The following CREB5 variants were observed in gnomAD, a reference collection of about 807,000 sequenced individuals.
CREB5 encodes the protein cAMP responsive element binding protein 5.
Under a neutral mutation model 57.1 loss-of-function variants are expected in CREB5, and 19 were observed. That is an observed-to-expected ratio of 0.33 (90% CI 0.23 to 0.49). The LOEUF (loss-of-function observed/expected upper bound fraction) is 0.49. CREB5 is among the 20% of genes least tolerant of loss of function. CREB5 has a pLI of 0.99. For synonymous variants in CREB5, 238 were observed against 238.3 expected (o/e 1.00, Z 0.01); for missense variants, 579 against 671.6 (o/e 0.86, Z 1.52).
chr7:28,661,241 C>T (rs2128713470), intron 5 of CREB5, among the ~76,000 whole-genome samples: 1 of 152,288 alleles, frequency 6.6e-6, no homozygotes, highest in East Asian at 1.9e-4. Flanking sequence ...CCTTAAGCCC[C>T]ATTCCTAGTT....
At chr7:28,430,891 C>T (rs1788683162) in intron 1 of CREB5, among the ~76,000 whole-genome samples, 1 of 152,182 alleles carries the variant, frequency 6.6e-6, no homozygotes, top group East Asian at 1.9e-4. Flanking sequence ...GGGCTGTAGT[C>T]ACCTCAAACC....
chr7:28,664,509 A>AT (rs1010405920), intron 5 of CREB5, among the ~76,000 whole-genome samples: 1 of 151,422 alleles, frequency 6.6e-6, no homozygotes, highest in African/African-American at 2.4e-5. Flanking sequence ...GAAATTTCCC[A>AT]TTTTATTCTT....
chr7:28,387,013 T>C (rs898813570), intron 1 of CREB5, among the ~76,000 whole-genome samples: 2 of 152,230 alleles, frequency 1.3e-5, no homozygotes, highest in Non-Finnish European at 2.9e-5. Flanking sequence ...GTCTTTACTA[T>C]TGTGAATAGT....
At chr7:28,690,035 G>T (rs1219221982) in intron 5 of CREB5, among the ~76,000 whole-genome samples, 2 of 151,522 alleles carry the variant, frequency 1.3e-5, no homozygotes, top group Non-Finnish European at 1.5e-5. Context: ...TCTAGGTCTA[G>T]CTCACCATCA....
At chr7:28,370,400 G>A (rs781683207) in intron 1 of CREB5, among the ~76,000 whole-genome samples, 5 of 152,184 alleles carry the variant, frequency 3.3e-5, no homozygotes, top group Non-Finnish European at 7.3e-5. Context: ...ATGTGAAAGA[G>A]CTTGGTAATT....
Position 28,527,112 on chromosome 7 carries a change from C to T in CREB5, c.291+19375C>T, listed in dbSNP as rs532436035. ...ATGACATACACCCTTTAGTGAAAAC[C>T]TGGTTAGTTGCAGTGAGCCATGCCT... On this transcript the variant is annotated intron_variant, in intron 4 of 10. Transcript: ENST00000357727. Among the ~76,000 whole-genome samples, 12 of 152,268 alleles carry T rather than the reference C, an allele frequency of 7.9e-5. No homozygotes were observed. The South Asian group carries it at 2.5e-3, about 32-fold the overall frequency.
Position 28,735,683 on chromosome 7 carries a change from C to T in CREB5, c.702+11351C>T, listed in dbSNP as rs543165502. Among the ~76,000 whole-genome samples, 20 of 152,214 alleles carry T rather than the reference C, an allele frequency of 1.3e-4. 1 individual carries two copies. In the South Asian group the frequency reaches 4.2e-3, roughly 32 times the overall value. On this transcript the variant is annotated intron_variant, in intron 7 of 10. Coordinates refer to ENST00000357727, the MANE Select transcript of CREB5 (RefSeq NM_182898.4). ...TCCCTGAGGGGGAGGGATCTGAACA[C>T]CTGGCATATAGTTGCTAGAAAATAT...
intron 1 of CREB5, among the ~76,000 whole-genome samples, chr7:28,396,946 C>T (rs1787347982): frequency 6.6e-6 from 1 of 152,132 alleles, no homozygotes; most frequent in Non-Finnish European, 1.5e-5. Flanking sequence ...AAGAAACAAA[C>T]CTGAGTCTCT....
At chr7:28,534,760 T>C (rs1293536266) in intron 4 of CREB5, among the ~76,000 whole-genome samples, 3 of 141,902 alleles carry the variant, frequency 2.1e-5, no homozygotes, top group Admixed American at 7.0e-5. Flanking sequence ...TTATAGAAAT[T>C]AATTTTTGTA....
chr7:28,432,704 T>TG (rs1469009970), intron 1 of CREB5, among the ~76,000 whole-genome samples: 2 of 152,200 alleles, frequency 1.3e-5, no homozygotes, highest in African/African-American at 4.8e-5. Flanking sequence ...ACAAAAATCG[T>TG]GAAAAAATGA....
intron 4 of CREB5, among the ~76,000 whole-genome samples, chr7:28,541,557 C>G (rs945045437): frequency 6.6e-6 from 1 of 152,124 alleles, no homozygotes; most frequent in Non-Finnish European, 1.5e-5. Context: ...ATCCCAGCTA[C>G]TTGGGAGGCT....
intron 1 of CREB5, among the ~76,000 whole-genome samples, chr7:28,328,910 G>T (rs1359390080): frequency 6.6e-6 from 1 of 152,212 alleles, no homozygotes; most frequent in East Asian, 1.9e-4. Context: ...GTGATGGATA[G>T]TATTGCTGGA....
At chr7:28,614,957 C>T (rs946210799) in intron 5 of CREB5, 4 of 152,222 alleles carry the variant, frequency 2.6e-5, no homozygotes, top group Non-Finnish European at 5.9e-5. Context: ...AACCACAATA[C>T]CATTTCTCCA....
At chr7:28,678,761 G>C (rs1051704209) in intron 5 of CREB5, among the ~76,000 whole-genome samples, 3 of 152,110 alleles carry the variant, frequency 2.0e-5, no homozygotes, top group Non-Finnish European at 4.4e-5. Flanking sequence ...AATTTCATTT[G>C]GAAGACCCAA....
chr7:28,643,777 A>AC (rs1188156991), intron 5 of CREB5, among the ~76,000 whole-genome samples: 35 of 145,946 alleles, frequency 2.4e-4, no homozygotes, highest in African/African-American at 8.1e-4. Flanking sequence ...AAAAAAAAAA[A>AC]ACACACAAAC....
At chr7:28,353,264 G>A (rs1786270605) in intron 1 of CREB5, among the ~76,000 whole-genome samples, 1 of 152,014 alleles carries the variant, frequency 6.6e-6, no homozygotes, top group African/African-American at 2.4e-5. Context: ...TGTATTTTTA[G>A]TAGAGGCGGG....
At chr7:28,431,524 A>C (rs560221858) in intron 1 of CREB5, among the ~76,000 whole-genome samples, 1 of 152,144 alleles carries the variant, frequency 6.6e-6, no homozygotes, top group Admixed American at 6.5e-5. Context: ...ATGCTTGGAC[A>C]TTTACACTCT....
At chr7:28,546,144 T>C (rs1395434231) in intron 4 of CREB5, among the ~76,000 whole-genome samples, 1 of 152,212 alleles carries the variant, frequency 6.6e-6, no homozygotes, top group Non-Finnish European at 1.5e-5. Flanking sequence ...TCATACTACA[T>C]GTCATCTGCT....
chr7:28,451,952 A>G (rs1789838207), intron 1 of CREB5, among the ~76,000 whole-genome samples: 1 of 152,196 alleles, frequency 6.6e-6, no homozygotes, highest in African/African-American at 2.4e-5. Flanking sequence ...CAACAATGGA[A>G]GTTGCGGGAA....
Sources: allele counts gnomAD v4.1 joint callset (sites outside exome capture counted in the v4.1 genomes callset), GRCh38; gene constraint gnomAD v4.1.1; transcripts MANE v1.5; gene names NCBI Gene and HGNC (gene_info 2026-07-23, HGNC 2026-07-21).